SERPINB7: variants seen among roughly 807,000 people sequenced by gnomAD.
SERPINB7 encodes serpin B7.
Under a neutral mutation model 37.4 loss-of-function variants are expected in SERPINB7, and 31 were observed. That is an observed-to-expected ratio of 0.83 (90% CI 0.62 to 1.12). SERPINB7 has a LOEUF of 1.12. SERPINB7 is among the 50% of genes most tolerant of loss of function. The pLI is 0.00. For missense variants in SERPINB7, 521 were observed against 455.3 expected, an observed-to-expected ratio of 1.14 and a Z score of -1.31; for synonymous variants, 163 against 166.1, an observed-to-expected ratio of 0.98 and a Z score of 0.14.
At chr18:63,763,529 G>T (rs1448770047) in intron 1 of SERPINB7, among the ~76,000 whole-genome samples, 1 of 152,176 alleles carries the variant, frequency 6.6e-6, no homozygotes, top group African/African-American at 2.4e-5. Flanking sequence ...TTCTGATGAA[G>T]TCACAGCCAG....
chr18:63,767,639 A>G (rs2049187882), intron 1 of SERPINB7, among the ~76,000 whole-genome samples: 1 of 152,020 alleles, frequency 6.6e-6, no homozygotes, highest in Non-Finnish European at 1.5e-5. Context: ...TAATTTTTAT[A>G]TATTGCTGGT....
At chr18:63,794,376 C>G (rs1227504441) in intron 4 of SERPINB7, among the ~76,000 whole-genome samples, 1 of 152,026 alleles carries the variant, frequency 6.6e-6, no homozygotes, top group East Asian at 1.9e-4. Context: ...TTGCATGTTT[C>G]AACCTTCCTA....
At chr18:63,772,807 A>G (rs1365921794), upstream of SERPINB7, among the ~76,000 whole-genome samples, 1 of 152,162 alleles carries the variant, frequency 6.6e-6, no homozygotes, top group Non-Finnish European at 1.5e-5. Context: ...ACGTGATGAA[A>G]TGATGTAGCA....
intron 6 of SERPINB7, among the ~76,000 whole-genome samples, chr18:63,800,424 A>G (rs1447849501): frequency 6.6e-6 from 1 of 152,112 alleles, no homozygotes; most frequent in Non-Finnish European, 1.5e-5. Context: ...AAAAAAACCT[A>G]TAGCATTCAT....
upstream of SERPINB7, among the ~76,000 whole-genome samples, chr18:63,774,558 C>T (rs2049231324): frequency 6.6e-6 from 1 of 151,694 alleles, no homozygotes; most frequent in African/African-American, 2.4e-5. Flanking sequence ...AAGGTGTAGG[C>T]AACCAACTGG....
chr18:63,782,097 G>T (rs913973071), intron 1 of SERPINB7, among the ~76,000 whole-genome samples: 6 of 152,078 alleles, frequency 3.9e-5, no homozygotes, highest in African/African-American at 7.2e-5. Context: ...GAATGTGTCT[G>T]CTTGGGGGTT....
In SERPINB7 at chr18:63,795,855, G is replaced by A. The variant is rs115017131; in HGVS notation, c.337-411G>A. Among the ~76,000 whole-genome samples, 1,154 of 152,226 alleles carry A rather than the reference G, an allele frequency of 7.6e-3. 9 individuals carry two copies. The highest frequency in any genetic ancestry group is 0.027 in the African/African-American group (1,103 of 41,530). On this transcript the variant is annotated intron_variant, in intron 4 of 7. Coordinates refer to ENST00000398019, the MANE Select transcript of SERPINB7 (RefSeq NM_003784.4). ...GGGTGGGGATCAGCAGAGTCTTGTC[G>A]GCAAGTTTCAAGAGCTTGGGCTTTG...
chr18:63,763,002 G>T (rs2049162397), intron 1 of SERPINB7, among the ~76,000 whole-genome samples: 1 of 152,110 alleles, frequency 6.6e-6, no homozygotes, highest in Non-Finnish European at 1.5e-5. Context: ...CCTATTTTTA[G>T]ATTACCTCAG....
chr18:63,783,116 C>T (rs113292392), intron 2 of SERPINB7, among the ~76,000 whole-genome samples: 18 of 148,784 alleles, frequency 1.2e-4, no homozygotes, highest in Non-Finnish European at 2.4e-4. Flanking sequence ...CCAGCCTGGG[C>T]GACAGAGCGA....
chr18:63,757,953 G>C (rs926926017), intron 1 of SERPINB7, among the ~76,000 whole-genome samples: 1 of 152,164 alleles, frequency 6.6e-6, no homozygotes, highest in African/African-American at 2.4e-5. Context: ...GCTTCATCAG[G>C]AGGATCAGAA....
intron 1 of SERPINB7, among the ~76,000 whole-genome samples, chr18:63,768,473 C>A (rs1025468191): frequency 6.6e-6 from 1 of 152,030 alleles, no homozygotes; most frequent in Non-Finnish European, 1.5e-5. Context: ...TGCTTATGTG[C>A]AGTTTCTTTT....
chr18:63,768,312 T>A (rs909204580), intron 1 of SERPINB7, among the ~76,000 whole-genome samples: 2 of 152,090 alleles, frequency 1.3e-5, no homozygotes, highest in Admixed American at 6.6e-5. Context: ...TTCTTGCTTA[T>A]CTATAACCTT....
intron 1 of SERPINB7, among the ~76,000 whole-genome samples, chr18:63,753,957 A>T (rs987241827): frequency 3.3e-5 from 5 of 152,184 alleles, no homozygotes; most frequent in Non-Finnish European, 7.3e-5. Context: ...TTTTGCCCTC[A>T]ATATAAACAA....
chr18:63,794,110 ATTTTTTTTTTT>A (rs34450022), intron 4 of SERPINB7, among the ~76,000 whole-genome samples: 5 of 105,572 alleles, frequency 4.7e-5, no homozygotes, highest in Admixed American at 1.2e-4. Flanking sequence ...CATCCTGCTA[ATTTTTTTTTTT>A]TTTTTTTTTT....
intron 1 of SERPINB7, among the ~76,000 whole-genome samples, chr18:63,761,722 C>T (rs151010348): frequency 2.6e-4 from 40 of 152,260 alleles, no homozygotes; most frequent in African/African-American, 8.7e-4. Context: ...CAGGGGTTTC[C>T]GCTTTTGCTT....
At chr18:63,753,386 C>G (rs2049103144) in intron 1 of SERPINB7, among the ~76,000 whole-genome samples, 1 of 152,056 alleles carries the variant, frequency 6.6e-6, no homozygotes, top group Admixed American at 6.5e-5. Context: ...ATAACATTGG[C>G]CAACATATTT....
At chr18:63,793,348 C>A in intron 4 of SERPINB7, 71 bp downstream of exon 4, 1 of 777,284 alleles carries the variant, frequency 1.3e-6, no homozygotes, top group Non-Finnish European at 2.2e-6. Flanking sequence ...AGGCTTGTGT[C>A]TTTCTACTGA....
chr18:63,776,128 A>T (rs1383635160), intron 1 of SERPINB7, among the ~76,000 whole-genome samples: 1 of 152,086 alleles, frequency 6.6e-6, no homozygotes, highest in African/African-American at 2.4e-5. Flanking sequence ...ATGCGCCATG[A>T]CCCTATCCCA....
At chr18:63,788,084 A>C (rs1186562604) in intron 2 of SERPINB7, among the ~76,000 whole-genome samples, 1 of 152,238 alleles carries the variant, frequency 6.6e-6, no homozygotes, top group South Asian at 2.1e-4. Flanking sequence ...TGCATTTACA[A>C]CAGTATACTT....
Sources: gnomAD v4.1 joint callset for allele counts (sites outside exome capture counted in the v4.1 genomes callset) on GRCh38, gnomAD v4.1.1 for gene constraint, MANE v1.5 for transcripts, NCBI Gene and HGNC (gene_info 2026-07-23, HGNC 2026-07-21) for gene names.